The following CPS1 variants were observed in gnomAD, a reference collection of about 807,000 sequenced individuals.
CPS1 encodes carbamoyl-phosphate synthase 1.
A neutral mutation model predicts 174.6 loss-of-function variants in CPS1; 109 were observed. The observed-to-expected ratio is 0.62, with a 90% CI of 0.53 to 0.73. The LOEUF (loss-of-function observed/expected upper bound fraction) is 0.73. Ranked by LOEUF, CPS1 falls within the 30% of genes least tolerant of loss-of-function variation. The pLI, the probability that CPS1 is intolerant of heterozygous loss-of-function variation, is 0.00. For missense variants in CPS1, 1,689 were observed against 1,821.9 expected, an observed-to-expected ratio of 0.93 and a Z score of 1.33; for synonymous variants, 637 against 632.0, an observed-to-expected ratio of 1.01 and a Z score of -0.12.
chr2:210,509,761 G>A (rs1262203706), intron 1 of CPS1, among the ~76,000 whole-genome samples: 3 of 152,128 alleles, frequency 2.0e-5, no homozygotes, highest in Non-Finnish European at 4.4e-5. Context: ...CAAATCATGA[G>A]TGAACTCCCA....
intron 31 of CPS1, among the ~76,000 whole-genome samples, chr2:210,659,894 G>T (rs1038997877): frequency 6.6e-6 from 1 of 152,134 alleles, no homozygotes; most frequent in Non-Finnish European, 1.5e-5. Flanking sequence ...CTTCAAGGTA[G>T]ATTTTGTATT....
At position 210,608,484 on chromosome 2, in the gene CPS1, G is replaced by A. The variant is rs1574586633; in HGVS notation, c.2316G>A (p.Lys772=). ...CTAGCCTGGATTACATGGTCACCAA[G>A]ATTCCCCGCTGGGATCTTGACCGTT... The part of the protein sequence containing the change: ...FEPSLDYMVT[K]IPRWDLDRFH... Residue 772 remains lysine, a synonymous_variant, in exon 19 of 38, where the codon AAG becomes AAA. Coordinates refer to ENST00000233072, the MANE Select transcript of CPS1 (RefSeq NM_001875.5). 4 of 1,612,500 alleles carry A rather than the reference G, an allele frequency of 2.5e-6. No homozygotes were observed. The highest frequency in any genetic ancestry group is 2.5e-6 in the Non-Finnish European group (3 of 1,178,954).
At chr2:210,644,716 G>A (rs1361527821) in intron 25 of CPS1, among the ~76,000 whole-genome samples, 2 of 152,082 alleles carry the variant, frequency 1.3e-5, no homozygotes, top group African/African-American at 4.8e-5. Flanking sequence ...GTGATTAGTG[G>A]CCAGGATAAG....
intron 1 of CPS1, among the ~76,000 whole-genome samples, chr2:210,546,344 A>G (rs1696564972): frequency 6.6e-6 from 1 of 152,144 alleles, no homozygotes; most frequent in Non-Finnish European, 1.5e-5. Flanking sequence ...GAATGAAGCA[A>G]ACAAAAGCCT....
In CPS1 at chr2:210,616,663, G is replaced by T. The variant is rs1699320303; in HGVS notation, c.2687+122G>T. The T allele has an allele frequency of 5.3e-6, 4 of 751,354 alleles. No individual in the cohort carries two copies. In the South Asian group the frequency reaches 5.8e-5, roughly 11 times the overall value. The allele number at this position is 751,354 out of a possible 1,614,324, so 46.5% of individuals were successfully genotyped here. A position where few individuals can be genotyped will look rare whatever the true frequency, so the allele number is the denominator to read the frequency against. ...CAATGAGGTAGATAGTGCCATTGTT[G>T]GAAAATAGTACCCGTAGCCAGAAGA... On this transcript the variant is annotated intron_variant, in intron 21 of 37. Coordinates refer to ENST00000233072, the MANE Select transcript of CPS1 (RefSeq NM_001875.5).
intron 16 of CPS1, among the ~76,000 whole-genome samples, chr2:210,603,840 T>G (rs999069363): frequency 2.0e-5 from 3 of 151,894 alleles, no homozygotes; most frequent in African/African-American, 7.2e-5. Flanking sequence ...CTCTTGAGGT[T>G]ATAATTAGCA....
intron 14 of CPS1, 80 bp downstream of exon 14, chr2:210,599,641 A>G (rs1698638400): frequency 3.4e-6 from 5 of 1,477,726 alleles, no homozygotes; most frequent in South Asian, 2.3e-5. Context: ...TCATCTAACA[A>G]TTGTGCTTTG....
chr2:210,658,389 T>C, intron 30 of CPS1: 1 of 509,332 alleles, frequency 2.0e-6, no homozygotes, highest in Non-Finnish European at 3.6e-6. Context: ...TTATTTGTTC[T>C]TTTCCTATTA....
chr2:210,505,978 A>G (rs868480367), intron 1 of CPS1, among the ~76,000 whole-genome samples: 3 of 152,162 alleles, frequency 2.0e-5, no homozygotes, highest in Non-Finnish European at 2.9e-5. Context: ...TAGCCAAACA[A>G]AAGGCAGCAG....
intron 21 of CPS1, among the ~76,000 whole-genome samples, chr2:210,631,863 C>T (rs1288856643): frequency 6.6e-6 from 1 of 152,054 alleles, no homozygotes; most frequent in Non-Finnish European, 1.5e-5. Context: ...ACATAAAATA[C>T]TAGTACATAC....
Position 210,662,873 on chromosome 2 carries a change from C to T in CPS1, c.3928-250C>T, listed in dbSNP as rs145588572. Reference sequence around the variant, plus strand: ...AACACTGGTCCAGACTGGTCTCAGGCGCCCTATTTACAGAATTAATTTGTG... The same window carrying T: ...AACACTGGTCCAGACTGGTCTCAGGTGCCCTATTTACAGAATTAATTTGTG... On this transcript the variant is annotated intron_variant, in intron 32 of 37. Transcript: ENST00000233072. Among the ~76,000 whole-genome samples, 245 of 152,270 alleles carry T rather than the reference C, an allele frequency of 1.6e-3. 1 individual carries two copies. Among genetic ancestry groups the T allele is most frequent in the African/African-American group, 4.1e-3 (170 of 41,566 alleles).
chr2:210,677,166 A>T (rs1011820959), intron 37 of CPS1, 30 bp downstream of exon 37: 1 of 1,610,216 alleles, frequency 6.2e-7, no homozygotes, highest in South Asian at 1.1e-5. Context: ...TATAGACTGG[A>T]TGGGAGTTTT....
At chr2:210,597,668 T>C (rs1698534943) in intron 13 of CPS1, among the ~76,000 whole-genome samples, 2 of 151,888 alleles carry the variant, frequency 1.3e-5, no homozygotes, top group South Asian at 4.1e-4. Flanking sequence ...ATGTATGAAA[T>C]AATTAGAACC....
intron 1 of CPS1, among the ~76,000 whole-genome samples, chr2:210,489,496 G>A (rs1156675489): frequency 6.6e-6 from 1 of 152,144 alleles, no homozygotes; most frequent in Non-Finnish European, 1.5e-5. Flanking sequence ...CAGAAACAGA[G>A]CTGGTCTAGT....
chr2:210,612,209 A>G lies in CPS1; in HGVS notation c.2484A>G (p.Pro828=). 1 of 1,612,254 alleles carries G rather than the reference A, an allele frequency of 6.2e-7. No homozygotes were observed. ...TAGAAGGTTTCACTCCCCGTCTCCCAATGAACAAAGAATGGCCATCTAATT... is the reference window on the plus strand; with the variant it reads ...TAGAAGGTTTCACTCCCCGTCTCCCGATGAACAAAGAATGGCCATCTAATT... ...PSIEGFTPRL[P]MNKEWPSNLD... Residue 828 remains proline (P), a synonymous_variant, in exon 20 of 38, where the codon CCA becomes CCG. Transcript: ENST00000233072.
At chr2:210,587,072 AT>A (rs71044000) in intron 6 of CPS1, among the ~76,000 whole-genome samples, 87,764 of 151,364 alleles carry the variant, frequency 0.58, 25,669 homozygotes, top group African/African-American at 0.64. Flanking sequence ...GGATTAGGGT[AT>A]TTTTTTTTCC....
intron 1 of CPS1, among the ~76,000 whole-genome samples, chr2:210,566,822 T>C (rs967923353): frequency 6.6e-6 from 1 of 152,056 alleles, no homozygotes; most frequent in African/African-American, 2.4e-5. Flanking sequence ...ATTCAGTACG[T>C]TCATGTTAAC....
At chr2:210,515,632 T>C (rs1695661767) in intron 1 of CPS1, among the ~76,000 whole-genome samples, 1 of 151,830 alleles carries the variant, frequency 6.6e-6, no homozygotes, top group African/African-American at 2.4e-5. Context: ...TGATCTTGTT[T>C]ATTCTTTCAA....
chr2:210,505,775 G>T (rs555685703), intron 1 of CPS1, among the ~76,000 whole-genome samples: 7 of 152,320 alleles, frequency 4.6e-5, no homozygotes, highest in African/African-American at 1.7e-4. Flanking sequence ...CTATGCCCAC[G>T]GAGACTTGCT....
Sources: gnomAD v4.1 joint callset for allele counts (sites outside exome capture counted in the v4.1 genomes callset) on GRCh38, gnomAD v4.1.1 for gene constraint, MANE v1.5 for transcripts, NCBI Gene and HGNC (gene_info 2026-07-23, HGNC 2026-07-21) for gene names.